SLC12A3: variants seen among roughly 807,000 people sequenced by gnomAD.
SLC12A3 encodes Na-Cl cotransporter.
SLC12A3 carries 104 observed loss-of-function variants against 121.0 expected under a neutral mutation model. The ratio of observed to expected loss-of-function variants is 0.86; its 90% confidence interval spans 0.73 to 1.01. The LOEUF is 1.01. Ranked by LOEUF, SLC12A3 falls within the 50% of genes least tolerant of loss-of-function variation. The pLI is 0.00. For synonymous variants in SLC12A3, 536 were observed against 533.4 expected, an observed-to-expected ratio of 1.00 and a Z score of -0.07; for missense variants, 1,328 against 1,356.3, an observed-to-expected ratio of 0.98 and a Z score of 0.33.
chr16:56,889,023 G>A (rs2055355814), intron 18 of SLC12A3, among the ~76,000 whole-genome samples: 1 of 152,058 alleles, frequency 6.6e-6, no homozygotes, highest in Admixed American at 6.6e-5. Flanking sequence ...GGAACTCCCT[G>A]GGGACTTCAG....
At chr16:56,903,814 G>A (rs1404309442) in intron 24 of SLC12A3, among the ~76,000 whole-genome samples, 1 of 152,164 alleles carries the variant, frequency 6.6e-6, no homozygotes, top group Non-Finnish European at 1.5e-5. Context: ...TGCCCCAAAG[G>A]GCCCATGCAG....
chr16:56,868,371 C>A lies in SLC12A3; in HGVS notation c.504C>A (p.Ile168=). The part of the protein sequence containing the change: ...RLPWITAQAG[I]VLTWIIILLS... ...CCTGGATTACGGCCCAGGCAGGCATCGGTGAGTGCCCCTCTGGGGAAGAGG... is the reference window on the plus strand; with the variant it reads ...CCTGGATTACGGCCCAGGCAGGCATAGGTGAGTGCCCCTCTGGGGAAGAGG... The change falls in exon 3 of 26, where the codon ATC becomes ATA. Residue 168 remains isoleucine (I), a splice_region_variant and synonymous_variant. Transcript: ENST00000563236. 6.2e-7 allele frequency: 1 copy of A among 1,611,818 alleles called. No individual in the cohort carries two copies. Among genetic ancestry groups the A allele is most frequent in the Non-Finnish European group, 8.5e-7 (1 of 1,179,080 alleles).
At chr16:56,869,968 C>T (rs1403807659) in intron 4 of SLC12A3, 128 bp from the exon 5 acceptor site, 3 of 1,383,706 alleles carry the variant, frequency 2.2e-6, no homozygotes, top group Admixed American at 3.4e-5. Context: ...GTCTACACCA[C>T]GAGATGGCCT....
intron 6 of SLC12A3, among the ~76,000 whole-genome samples, chr16:56,871,719 A>C (rs190561078): frequency 1.0e-3 from 152 of 151,892 alleles, no homozygotes; most frequent in African/African-American, 3.5e-3. Context: ...TTCTTTATTT[A>C]TTTATTTATT....
chr16:56,887,798 A>ATATATATATATATAAATATTT (rs1433682477), intron 17 of SLC12A3, 127 bp from the exon 18 acceptor site: 1 of 68,456 alleles, frequency 1.5e-5, no homozygotes, highest in Non-Finnish European at 2.9e-5. Context: ...ATATATATAT[A>ATATATATATATATAAATATTT]TTTTTTTTTT....
chr16:56,895,391 G>A (rs966781678), intron 22 of SLC12A3, among the ~76,000 whole-genome samples: 9 of 150,350 alleles, frequency 6.0e-5, no homozygotes, highest in African/African-American at 1.2e-4. Context: ...ATGGGGTTTC[G>A]CCATGTTGGC....
chr16:56,904,470 G>GT lies in SLC12A3; in HGVS notation c.2924+9dup. 6.2e-7 allele frequency: 1 copy of GT among 1,613,482 alleles called. No individual in the cohort carries two copies. Among genetic ancestry groups the GT allele is most frequent in the Non-Finnish European group, 8.5e-7 (1 of 1,179,464 alleles). On this transcript the variant is annotated intron_variant, in intron 25 of 25. Transcript: ENST00000563236. ...CGCTGCTCTCATCGTCATGTAAGTA[G>GT]TGCCCGGCTGGTGGGAGGACCAGTC...
At position 56,886,972 on chromosome 16, in the gene SLC12A3, T is replaced by C. The variant is rs757061144; in HGVS notation, c.2057T>C (p.Met686Thr). Reference protein sequence around the residue: ...HVLIGPHKQRMPELQLIANGH... With the variant: ...HVLIGPHKQRTPELQLIANGH... ...CCACAGGGACCCCACAAGCAGAGGA[T>C]GCCTGAGCTCCAGCTCATCGCCAAC... Residue 686 changes from methionine to threonine, a missense_variant, in exon 17 of 26, where the codon ATG becomes ACG. Coordinates refer to ENST00000563236, the MANE Select transcript of SLC12A3 (RefSeq NM_001126108.2). 1.1e-5 allele frequency: 18 copies of C among 1,613,648 alleles called. No individual in the cohort carries two copies. Among genetic ancestry groups the C allele is most frequent in the African/African-American group, 2.7e-5 (2 of 75,016 alleles).
chr16:56,874,072 T>C (rs1410363015), intron 8 of SLC12A3, among the ~76,000 whole-genome samples: 1 of 152,184 alleles, frequency 6.6e-6, no homozygotes, highest in African/African-American at 2.4e-5. Context: ...ATCAGAGTCA[T>C]GGTTCCCCAG....
intron 20 of SLC12A3, among the ~76,000 whole-genome samples, chr16:56,892,644 G>A (rs1236749960): frequency 6.6e-6 from 1 of 152,146 alleles, no homozygotes; most frequent in South Asian, 2.1e-4. Context: ...AAGTGCAGGC[G>A]GGAGGGCTGC....
intron 5 of SLC12A3, 138 bp from the exon 6 acceptor site, chr16:56,870,488 T>G (rs1369624778): frequency 1.3e-6 from 1 of 765,822 alleles, no homozygotes; most frequent in East Asian, 2.7e-5. Context: ...CTTTGGGGAC[T>G]CGATGGCAGG....
intron 24 of SLC12A3, 23 bp downstream of exon 24, chr16:56,902,531 G>GGGGGGTCCC: frequency 5.6e-6 from 4 of 714,552 alleles, no homozygotes; most frequent in Non-Finnish European, 7.2e-6. Flanking sequence ...GTGGGGGTGG[G>GGGGGGTCCC]AAACGCGACA....
intron 6 of SLC12A3, among the ~76,000 whole-genome samples, chr16:56,871,569 C>A (rs1359101509): frequency 6.6e-6 from 1 of 152,164 alleles, no homozygotes; most frequent in African/African-American, 2.4e-5. Context: ...TCCTTGGATG[C>A]CCTGAGCTGA....
rs2055732969 is a variant in SLC12A3 at position 56,914,852 on chromosome 16, T to TCCAAG, written c.*1455_*1459dup. The TCCAAG allele has an allele frequency of 1.3e-5, 2 of 151,010 alleles. No individual in the cohort carries two copies. The highest frequency in any genetic ancestry group is 2.9e-5 in the Non-Finnish European group (2 of 67,948). The allele number at this position is 151,010 out of a possible 1,614,324, so 9.4% of individuals were successfully genotyped here. On this transcript the variant is annotated 3_prime_UTR_variant, in exon 26 of 26. Coordinates refer to ENST00000563236, the MANE Select transcript of SLC12A3 (RefSeq NM_001126108.2). ...CAAGGAACAGATAGGCAGGAGCAGG[T>TCCAAG]CCAAGCCAAGCCTAGCCCAAGACCA...
intron 23 of SLC12A3, among the ~76,000 whole-genome samples, chr16:56,900,197 A>G (rs1441799635): frequency 6.6e-6 from 1 of 152,064 alleles, no homozygotes; most frequent in Non-Finnish European, 1.5e-5. Context: ...GAAGGAAATC[A>G]AGACAAGCAG....
chr16:56,875,628 C>T (rs2055155882), intron 8 of SLC12A3, among the ~76,000 whole-genome samples: 1 of 152,014 alleles, frequency 6.6e-6, no homozygotes, highest in African/African-American at 2.4e-5. Context: ...AATCCTGCCC[C>T]CACCCCAACA....
At position 56,879,155 on chromosome 16, in the gene SLC12A3, C is replaced by T. The variant is rs1310134073; in HGVS notation, c.1263C>T (p.Cys421=). The T allele has an allele frequency of 8.7e-6, 14 of 1,613,664 alleles. No individual in the cohort carries two copies. The highest frequency in any genetic ancestry group is 2.7e-5 in the African/African-American group (2 of 74,928). The part of the protein sequence containing the change: ...PGWGACEGLA[C]SYGWNFTECT... ...GGGGTGCCTGCGAGGGGCTGGCCTG[C>T]AGCTATGGCTGGAACTTCACCGAGT... is the stretch of plus-strand genomic sequence containing the variant. The change falls in exon 10 of 26, where the codon TGC becomes TGT. Residue 421 remains cysteine (C), a synonymous_variant. Coordinates refer to ENST00000563236, the MANE Select transcript of SLC12A3 (RefSeq NM_001126108.2).
chr16:56,870,575 G>T (rs34930276), intron 5 of SLC12A3, 51 bp from the exon 6 acceptor site: 7 of 1,226,918 alleles, frequency 5.7e-6, no homozygotes, highest in South Asian at 2.4e-5. Flanking sequence ...GAGTCTGGGG[G>T]ATGGGGAATT....
intron 23 of SLC12A3, among the ~76,000 whole-genome samples, chr16:56,901,574 A>C (rs939178537): frequency 6.6e-6 from 1 of 152,128 alleles, no homozygotes. Context: ...TTCTGACCTC[A>C]GGTGATCCGC....
Sources: allele counts gnomAD v4.1 joint callset (sites outside exome capture counted in the v4.1 genomes callset), GRCh38; gene constraint gnomAD v4.1.1; transcripts MANE v1.5; gene names NCBI Gene and HGNC (gene_info 2026-07-23, HGNC 2026-07-21).